The following SLC16A9 variants were observed in gnomAD, a reference collection of about 807,000 sequenced individuals.
The protein encoded by SLC16A9 is solute carrier family 16 member 9.
SLC16A9 carries 26 observed loss-of-function variants against 44.3 expected under a neutral mutation model. The ratio of observed to expected loss-of-function variants is 0.59; its 90% CI spans 0.43 to 0.81. The LOEUF (loss-of-function observed/expected upper bound fraction) is 0.81. SLC16A9 is among the 40% of genes least tolerant of loss of function. The pLI is 0.00. For missense variants in SLC16A9, 559 were observed against 595.8 expected (o/e 0.94, Z 0.64); for synonymous variants, 230 against 225.1 (o/e 1.02, Z -0.19).
chr10:59,676,214 C>G (rs1413658058), intron 2 of SLC16A9, among the ~76,000 whole-genome samples: 1 of 152,160 alleles, frequency 6.6e-6, no homozygotes, highest in African/African-American at 2.4e-5. Context: ...TCCTTAGAAC[C>G]TGGGTTTATT....
At chr10:59,696,822 G>T (rs1288967410) in intron 1 of SLC16A9, among the ~76,000 whole-genome samples, 5 of 150,980 alleles carry the variant, frequency 3.3e-5, no homozygotes, top group Non-Finnish European at 7.4e-5. Context: ...AAGCCCCTCC[G>T]CCCGGCAGCC....
chr10:59,663,116 T>C (rs2132423415), intron 4 of SLC16A9, among the ~76,000 whole-genome samples: 1 of 152,116 alleles, frequency 6.6e-6, no homozygotes, highest in East Asian at 1.9e-4. Flanking sequence ...TCCCAGCACT[T>C]TGGGAGGCCG....
chr10:59,663,352 A>G (rs1321628089), intron 4 of SLC16A9, among the ~76,000 whole-genome samples: 2 of 151,608 alleles, frequency 1.3e-5, no homozygotes, highest in Non-Finnish European at 2.9e-5. Flanking sequence ...CAAGAGCGCA[A>G]CTCTGTCTCA....
chr10:59,677,086 C>T (rs1051327004), intron 2 of SLC16A9, among the ~76,000 whole-genome samples: 1 of 152,034 alleles, frequency 6.6e-6, no homozygotes, highest in Non-Finnish European at 1.5e-5. Flanking sequence ...CACACTCATA[C>T]ATTTCCTCTA....
chr10:59,705,345 T>C (rs1469460706), intron 1 of SLC16A9, among the ~76,000 whole-genome samples: 1 of 152,056 alleles, frequency 6.6e-6, no homozygotes, highest in African/African-American at 2.4e-5. Flanking sequence ...TCATACACTA[T>C]GCCCCGTTAC....
In SLC16A9 at chr10:59,692,112, T is replaced by C. The variant is rs370248614; in HGVS notation, c.-36-7785A>G. 2.0e-4 allele frequency among the ~76,000 whole-genome samples: 30 copies of C among 152,334 alleles called. 1 individual carries two copies. In the South Asian group the frequency reaches 3.9e-3, roughly 20 times the overall value. On this transcript the variant is annotated intron_variant, in intron 1 of 5. Transcript: ENST00000395348. ...GAGGTCAACAGTAGCACATTTTTAT[T>C]TGAATCTCAATCACTACCGGATTGT... is the stretch of plus-strand genomic sequence containing the variant.
At chr10:59,684,690 G>T (rs1416681923) in intron 1 of SLC16A9, among the ~76,000 whole-genome samples, 1 of 152,124 alleles carries the variant, frequency 6.6e-6, no homozygotes, top group Non-Finnish European at 1.5e-5. Context: ...TTCCTAGCAA[G>T]AAGTAGACTG....
At chr10:59,667,763 A>C (rs1408268721) in intron 3 of SLC16A9, among the ~76,000 whole-genome samples, 1 of 152,220 alleles carries the variant, frequency 6.6e-6, no homozygotes, top group East Asian at 1.9e-4. Context: ...TCTGTGTACC[A>C]ACCTCCAGTA....
At chr10:59,707,313 GGAAGGGAAGGGAA>G (rs1840664055) in intron 1 of SLC16A9, among the ~76,000 whole-genome samples, 1 of 118,634 alleles carries the variant, frequency 8.4e-6, no homozygotes, top group African/African-American at 3.2e-5. Flanking sequence ...GGAAGGGAAG[GGAAGGGAAGGGAA>G]GGGAAGGGAG....
chr10:59,672,970 C>A, intron 2 of SLC16A9, 57 bp from the exon 3 acceptor site: 3 of 1,505,716 alleles, frequency 2.0e-6, no homozygotes, highest in South Asian at 2.5e-5. Context: ...ATCATAAGTT[C>A]AAAATGATTC....
chr10:59,704,298 C>T (rs969579908), intron 1 of SLC16A9, among the ~76,000 whole-genome samples: 1 of 152,138 alleles, frequency 6.6e-6, no homozygotes, highest in Non-Finnish European at 1.5e-5. Flanking sequence ...ACCACTGCCC[C>T]CAGTCTTCTT....
chr10:59,697,458 T>A (rs1228878752), intron 1 of SLC16A9, among the ~76,000 whole-genome samples: 1 of 151,876 alleles, frequency 6.6e-6, no homozygotes, highest in African/African-American at 2.4e-5. Flanking sequence ...CTCTGAAACA[T>A]GTGCTGTGTC....
At chr10:59,666,871 C>CAAA (rs34639816) in intron 3 of SLC16A9, among the ~76,000 whole-genome samples, 26 of 114,910 alleles carry the variant, frequency 2.3e-4, no homozygotes, top group Admixed American at 3.6e-4. Context: ...TATTTTCCAG[C>CAAA]AAAAAAAAAA....
intron 1 of SLC16A9, among the ~76,000 whole-genome samples, chr10:59,703,848 A>G (rs991429014): frequency 4.0e-5 from 6 of 151,856 alleles, no homozygotes; most frequent in Admixed American, 6.6e-5. Context: ...CCTCCCAGGT[A>G]GCTGGGACTA....
intron 1 of SLC16A9, among the ~76,000 whole-genome samples, chr10:59,705,987 C>T (rs2132556896): frequency 6.6e-6 from 1 of 152,266 alleles, no homozygotes; most frequent in East Asian, 1.9e-4. Context: ...GCTTTGCTTC[C>T]TATAAACACA....
At chr10:59,702,708 A>G (rs1264372109) in intron 1 of SLC16A9, among the ~76,000 whole-genome samples, 1 of 152,264 alleles carries the variant, frequency 6.6e-6, no homozygotes, top group East Asian at 1.9e-4. Flanking sequence ...CACTTGTATT[A>G]AAGAATTTCA....
chr10:59,696,021 G>C (rs572680338), intron 1 of SLC16A9, among the ~76,000 whole-genome samples: 2 of 152,280 alleles, frequency 1.3e-5, no homozygotes, highest in African/African-American at 4.8e-5. Context: ...GTAATGTTAA[G>C]ATCAGAGGCG....
At chr10:59,660,546 G>A (rs182209319) in intron 4 of SLC16A9, among the ~76,000 whole-genome samples, 106 of 152,216 alleles carry the variant, frequency 7.0e-4, no homozygotes, top group African/African-American at 2.3e-3. Context: ...ATGACCAGGC[G>A]GATTCACAGC....
At chr10:59,659,060 A>T (rs1475116288) in intron 4 of SLC16A9, among the ~76,000 whole-genome samples, 1 of 152,250 alleles carries the variant, frequency 6.6e-6, no homozygotes, top group Non-Finnish European at 1.5e-5. Flanking sequence ...TGTTGGCCAC[A>T]TAAATTTTGA....
Sources: gnomAD v4.1 joint callset for allele counts (sites outside exome capture counted in the v4.1 genomes callset) on GRCh38, gnomAD v4.1.1 for gene constraint, MANE v1.5 for transcripts, NCBI Gene and HGNC (gene_info 2026-07-23, HGNC 2026-07-21) for gene names.